Variants in PCSK2 observed in about 807,000 individuals in gnomAD.
PCSK2 encodes neuroendocrine convertase 2.
A neutral mutation model predicts 69.7 loss-of-function variants in PCSK2; 14 were observed. That is an observed-to-expected ratio of 0.20 (90% confidence interval 0.13 to 0.31). The LOEUF is 0.31. PCSK2 is among the 10% of genes least tolerant of loss of function. PCSK2 has a pLI of 1.00. For missense variants in PCSK2, 544 were observed against 842.5 expected (o/e 0.65, Z 4.39); for synonymous variants, 307 against 320.7 (o/e 0.96, Z 0.46).
chr20:17,365,302 C>T (rs1032073712), intron 4 of PCSK2, among the ~76,000 whole-genome samples: 1 of 152,054 alleles, frequency 6.6e-6, no homozygotes, highest in African/African-American at 2.4e-5. Flanking sequence ...AAGTACGAAC[C>T]CCATTCATGA....
chr20:17,341,320 G>T (rs1436736605), intron 2 of PCSK2, among the ~76,000 whole-genome samples: 2 of 152,136 alleles, frequency 1.3e-5, no homozygotes, highest in Non-Finnish European at 2.9e-5. Context: ...CTGACATTCT[G>T]AACAAATAAG....
intron 5 of PCSK2, among the ~76,000 whole-genome samples, chr20:17,387,050 GA>G (rs1208618202): frequency 6.6e-6 from 1 of 152,142 alleles, no homozygotes; most frequent in Admixed American, 6.5e-5. Flanking sequence ...AGAATAATAG[GA>G]ATGGCACCAA....
intron 2 of PCSK2, among the ~76,000 whole-genome samples, chr20:17,303,514 A>G (rs6044731): frequency 5.3e-5 from 2 of 37,944 alleles, no homozygotes; most frequent in Non-Finnish European, 9.0e-5. Flanking sequence ...TATATTATAT[A>G]TAATATAATA....
intron 2 of PCSK2, among the ~76,000 whole-genome samples, chr20:17,345,729 G>A (rs190041600): frequency 4.6e-5 from 7 of 152,124 alleles, no homozygotes; most frequent in African/African-American, 7.2e-5. Context: ...CTTGAAATTC[G>A]GTGCTCTTTC....
chr20:17,233,086 C>T (rs74884424), intron 1 of PCSK2, among the ~76,000 whole-genome samples: 5,983 of 152,156 alleles, frequency 0.039, 387 homozygotes, highest in African/African-American at 0.14. Context: ...CAGTCATAGC[C>T]ATCAGAACGC....
chr20:17,231,810 A>G (rs1363212400), intron 1 of PCSK2, among the ~76,000 whole-genome samples: 2 of 152,140 alleles, frequency 1.3e-5, no homozygotes, highest in Non-Finnish European at 2.9e-5. Flanking sequence ...CCCTCTTCTG[A>G]GCATTTTCAC....
At chr20:17,228,620 G>C (rs1347984895) in intron 1 of PCSK2, among the ~76,000 whole-genome samples, 1 of 152,148 alleles carries the variant, frequency 6.6e-6, no homozygotes, top group Admixed American at 6.5e-5. Context: ...GAGATGAGCG[G>C]TGGGTGCTTT....
intron 5 of PCSK2, among the ~76,000 whole-genome samples, chr20:17,370,574 A>G (rs553921952): frequency 6.6e-6 from 1 of 152,370 alleles, no homozygotes; most frequent in Non-Finnish European, 1.5e-5. Context: ...ATCCATGTCT[A>G]TGGAGAAGAC....
chr20:17,482,725 C>T lies in PCSK2; in HGVS notation c.*655C>T, dbSNP rs1357583846. 2 of 152,486 alleles carry T rather than the reference C, an allele frequency of 1.3e-5. No individual in the cohort carries two copies. Among genetic ancestry groups the T allele is most frequent in the Non-Finnish European group, 2.9e-5 (2 of 68,042 alleles). The allele number at this position is 152,486 out of a possible 1,614,324, so 9.4% of individuals were successfully genotyped here. ...ACTACCAATGCCAAGATAATTCACT[C>T]TACTCAGCCGGCGTGGCAAATATAA... On this transcript the variant is annotated 3_prime_UTR_variant, in exon 12 of 12. Transcript: ENST00000262545.
chr20:17,479,279 C>T (rs2033347369), intron 11 of PCSK2: 3 of 1,019,860 alleles, frequency 2.9e-6, no homozygotes, highest in African/African-American at 3.2e-5. Context: ...GATGTGTTAA[C>T]GATAATTCCA....
At chr20:17,285,626 G>T (rs972808179) in intron 2 of PCSK2, among the ~76,000 whole-genome samples, 2 of 152,216 alleles carry the variant, frequency 1.3e-5, no homozygotes, top group Non-Finnish European at 2.9e-5. Context: ...AGCTCCTGCT[G>T]CAGGCAACTG....
intron 2 of PCSK2, among the ~76,000 whole-genome samples, chr20:17,294,128 G>C (rs1258940853): frequency 8.6e-6 from 1 of 116,926 alleles, no homozygotes; most frequent in African/African-American, 3.3e-5. Flanking sequence ...TTTTTGAGAC[G>C]GAGTCCCGCT....
chr20:17,406,814 G>A (rs1309028652), intron 5 of PCSK2, among the ~76,000 whole-genome samples: 1 of 152,152 alleles, frequency 6.6e-6, no homozygotes, highest in African/African-American at 2.4e-5. Flanking sequence ...GTAGAAACAT[G>A]GTCTCAGTCC....
At chr20:17,460,165 T>C (rs999746064) in intron 10 of PCSK2, among the ~76,000 whole-genome samples, 10 of 151,998 alleles carry the variant, frequency 6.6e-5, no homozygotes, top group African/African-American at 2.4e-4. Flanking sequence ...AGCCACCATG[T>C]TTACATTTCA....
In PCSK2 at chr20:17,397,380, C is replaced by G. The variant is rs150602001; in HGVS notation, c.544-11883C>G. Among the ~76,000 whole-genome samples, 386 of 152,290 alleles carry G rather than the reference C, an allele frequency of 2.5e-3. 4 individuals are homozygous for G. The highest frequency in any genetic ancestry group is 8.7e-3 in the African/African-American group (362 of 41,564). On this transcript the variant is annotated intron_variant, in intron 5 of 11. Coordinates refer to ENST00000262545, the MANE Select transcript of PCSK2 (RefSeq NM_002594.5). ...ATTCAGACCGTAATATTCATCAAAA[C>G]TTGTTTAATAGCAGGAAACCCTCCA...
chr20:17,310,714 G>A lies in PCSK2; in HGVS notation c.283-47613G>A, dbSNP rs1053140024. Among the ~76,000 whole-genome samples, 33 of 151,168 alleles carry A rather than the reference G, an allele frequency of 2.2e-4. 1 individual carries two copies. Among genetic ancestry groups the A allele is most frequent in the African/African-American group, 2.4e-5 (1 of 41,042 alleles). ...AAGTAGGCCATCAAAAAATATTCAT[G>A]GAGGCAGTGGCTGACACCTGTAATC... On this transcript the variant is annotated intron_variant, in intron 2 of 11. Coordinates refer to ENST00000262545, the MANE Select transcript of PCSK2 (RefSeq NM_002594.5).
intron 6 of PCSK2, among the ~76,000 whole-genome samples, chr20:17,418,927 C>T (rs1022133808): frequency 6.6e-6 from 1 of 152,196 alleles, no homozygotes; most frequent in Non-Finnish European, 1.5e-5. Flanking sequence ...GCCACAAAGG[C>T]TAGTTACAAT....
At chr20:17,272,210 TTA>T (rs1987896985) in intron 2 of PCSK2, among the ~76,000 whole-genome samples, 1 of 152,148 alleles carries the variant, frequency 6.6e-6, no homozygotes, top group Non-Finnish European at 1.5e-5. Context: ...TCTCTGAACA[TTA>T]CTGGAGAACA....
At chr20:17,249,731 A>G (rs1986903181) in intron 1 of PCSK2, among the ~76,000 whole-genome samples, 1 of 152,168 alleles carries the variant, frequency 6.6e-6, no homozygotes, top group South Asian at 2.1e-4. Context: ...CTTAAGTAAA[A>G]TAAGGCAGGC....
Sources: gnomAD v4.1 joint callset for allele counts (sites outside exome capture counted in the v4.1 genomes callset) on GRCh38, gnomAD v4.1.1 for gene constraint, MANE v1.5 for transcripts, NCBI Gene and HGNC (gene_info 2026-07-23, HGNC 2026-07-21) for gene names.